ANXA3: variants seen among roughly 807,000 people sequenced by gnomAD.
ANXA3 encodes the protein annexin A3, also known as 35-alpha calcimedin.
Under a neutral mutation model 48.8 loss-of-function variants are expected in ANXA3, and 46 were observed. The observed-to-expected ratio is 0.94, with a 90% CI of 0.74 to 1.21. The LOEUF is 1.21. ANXA3 is among the 50% of genes most tolerant of loss of function. ANXA3 has a pLI of 0.00. For missense variants in ANXA3, 383 were observed against 378.6 expected (o/e 1.01, Z -0.10); for synonymous variants, 128 against 134.7 (o/e 0.95, Z 0.35).
chr4:78,571,881 C>T (rs531950779), intron 2 of ANXA3, among the ~76,000 whole-genome samples: 2 of 152,220 alleles, frequency 1.3e-5, no homozygotes, highest in East Asian at 3.9e-4. Context: ...CCTTGCAATT[C>T]CTGAAGATCT....
chr4:78,595,459 C>A (rs368207621), intron 8 of ANXA3, 22 bp downstream of exon 8: 1 of 1,612,222 alleles, frequency 6.2e-7, no homozygotes. Flanking sequence ...AGCGGGAAAA[C>A]ATTTCCTTTA....
intron 6 of ANXA3, among the ~76,000 whole-genome samples, chr4:78,588,329 GCCA>G (rs1723220233): frequency 6.6e-6 from 1 of 152,100 alleles, no homozygotes; most frequent in Non-Finnish European, 1.5e-5. Context: ...AGAGATTGAG[GCCA>G]CAGTAAGCCT....
chr4:78,597,517 T>C, intron 10 of ANXA3, 103 bp downstream of exon 10: 1 of 724,986 alleles, frequency 1.4e-6, no homozygotes, highest in East Asian at 2.8e-5. Context: ...TCCATTTTTT[T>C]TGCTCCCTAC....
intron 12 of ANXA3, 94 bp from the exon 13 acceptor site, chr4:78,609,962 C>A: frequency 2.4e-6 from 2 of 848,644 alleles, no homozygotes; most frequent in Non-Finnish European, 3.7e-6. Flanking sequence ...AGTCTCACAC[C>A]CAGGTGAATT....
chr4:78,568,452 T>G (rs1722775622), intron 2 of ANXA3, among the ~76,000 whole-genome samples: 1 of 152,256 alleles, frequency 6.6e-6, no homozygotes, highest in Admixed American at 6.5e-5. Flanking sequence ...GAGCTTTGAT[T>G]TGATGCCTCA....
At chr4:78,569,628 G>A (rs185418408) in intron 2 of ANXA3, among the ~76,000 whole-genome samples, 1 of 152,270 alleles carries the variant, frequency 6.6e-6, no homozygotes, top group East Asian at 1.9e-4. Flanking sequence ...TTGTTAAATC[G>A]CAGATTCTGC....
chr4:78,598,292 CTT>C (rs57940281), intron 10 of ANXA3, among the ~76,000 whole-genome samples: 4 of 143,608 alleles, frequency 2.8e-5, no homozygotes, highest in Non-Finnish European at 6.1e-5. Flanking sequence ...TTCTTTCTTT[CTT>C]TTTTTTTTTT....
At chr4:78,566,770 A>T (rs2109929079) in intron 2 of ANXA3, among the ~76,000 whole-genome samples, 1 of 152,328 alleles carries the variant, frequency 6.6e-6, no homozygotes, top group East Asian at 1.9e-4. Context: ...ACCACCATGC[A>T]CCATCTGCAT....
At chr4:78,596,654 C>A (rs1578402882) in intron 9 of ANXA3, among the ~76,000 whole-genome samples, 1 of 152,128 alleles carries the variant, frequency 6.6e-6, no homozygotes, top group South Asian at 2.1e-4. Flanking sequence ...AAAATAATGA[C>A]AACAGTATGT....
In ANXA3 at chr4:78,601,506, A is replaced by C; in HGVS notation, c.731-4A>C. 1 of 1,613,606 alleles carries C rather than the reference A, an allele frequency of 6.2e-7. No individual in the cohort carries two copies. Among genetic ancestry groups the C allele is most frequent in the South Asian group, 1.1e-5 (1 of 91,034 alleles). On this transcript the variant is annotated splice_region_variant and splice_polypyrimidine_tract_variant and intron_variant, in intron 10 of 12. Transcript: ENST00000264908. ...AGCTGAACATTATTTGCTTTTTGTT[A>C]CAGTTAATTGTGTGAGGAACACGCC...
At chr4:78,552,809 C>T (rs1166747158) in intron 1 of ANXA3, among the ~76,000 whole-genome samples, 1 of 152,096 alleles carries the variant, frequency 6.6e-6, no homozygotes, top group African/African-American at 2.4e-5. Context: ...TTGGTTTTCA[C>T]GAAGACGGAA....
chr4:78,579,179 C>T, intron 4 of ANXA3, 58 bp downstream of exon 4: 1 of 1,214,034 alleles, frequency 8.2e-7, no homozygotes, highest in Non-Finnish European at 1.2e-6. Context: ...CATGGTCGCT[C>T]CCACATGGTT....
chr4:78,595,887 A>G lies in ANXA3; in HGVS notation c.634A>G (p.Thr212Ala). ...CLRSFPQLKLTFDEYRNISQK... is the reference protein window; with the variant it reads ...CLRSFPQLKLAFDEYRNISQK... The stretch of plus-strand genomic sequence containing the variant: ...AAGGAGCTTTCCTCAATTAAAACTA[A>G]GTACAAACTCACATTACAATCCTTT... Residue 212 changes from threonine (T) to alanine (A), a missense_variant and splice_region_variant, in exon 9 of 13, where the codon ACA becomes GCA. Physicochemically the swap from Thr to Ala is moderately conservative, Grantham distance 58. Coordinates refer to ENST00000264908, the MANE Select transcript of ANXA3 (RefSeq NM_005139.3). 3 of 1,576,082 alleles carry G rather than the reference A, an allele frequency of 1.9e-6. No homozygotes were observed. Among genetic ancestry groups the G allele is most frequent in the Non-Finnish European group, 2.6e-6 (3 of 1,145,698 alleles).
At chr4:78,568,519 C>T (rs1165041913) in intron 2 of ANXA3, among the ~76,000 whole-genome samples, 2 of 152,112 alleles carry the variant, frequency 1.3e-5, no homozygotes, top group Admixed American at 6.6e-5. Context: ...CTGGCTTCAC[C>T]GCATCTTCAA....
intron 6 of ANXA3, among the ~76,000 whole-genome samples, chr4:78,590,373 T>C (rs1381394376): frequency 3.3e-5 from 5 of 152,224 alleles, no homozygotes; most frequent in Non-Finnish European, 7.3e-5. Context: ...CTTACTAAAA[T>C]CATGCTGAAG....
At position 78,595,851 on chromosome 4, in the gene ANXA3, A is replaced by C; in HGVS notation, c.598A>C (p.Ile200Leu). ...WGTDEDKFTE[I>L]LCLRSFPQLK... ...CACGGATGAAGACAAATTCACTGAG[A>C]TCCTGTGTTTAAGGAGCTTTCCTCA... Residue 200 changes from isoleucine (I) to leucine (L), a missense_variant, in exon 9 of 13, where the codon ATC becomes CTC. Physicochemically the swap from Ile to Leu is conservative, Grantham distance 5 (BLOSUM62 2). Coordinates refer to ENST00000264908, the MANE Select transcript of ANXA3 (RefSeq NM_005139.3). The C allele has an allele frequency of 1.9e-6, 3 of 1,612,410 alleles. No homozygotes were observed. Among genetic ancestry groups the C allele is most frequent in the South Asian group, 2.2e-5 (2 of 91,040 alleles).
chr4:78,583,249 G>A (rs532358578), intron 5 of ANXA3, among the ~76,000 whole-genome samples: 4 of 152,256 alleles, frequency 2.6e-5, no homozygotes, highest in African/African-American at 9.6e-5. Flanking sequence ...GGCTGTGGTG[G>A]GAGGATCACC....
In ANXA3 at chr4:78,582,217, T is replaced by C. The variant is rs752693570; in HGVS notation, c.239T>C (p.Phe80Ser). ...DDLKGDLSGH[F>S]EHLMVALVTP... The stretch of plus-strand genomic sequence containing the variant: ...TTGAAGGGTGATCTCTCTGGCCACT[T>C]TGAGCATCTCATGGTGGCCCTAGTG... Residue 80 changes from phenylalanine to serine, a missense_variant, in exon 5 of 13, where the codon TTT (phenylalanine) becomes TCT (serine). Phe to Ser is a radical substitution (Grantham distance 155). Transcript: ENST00000264908. The C allele has an allele frequency of 1.2e-6, 2 of 1,613,716 alleles. No individual in the cohort carries two copies. Among genetic ancestry groups the C allele is most frequent in the Non-Finnish European group, 1.7e-6 (2 of 1,179,632 alleles).
intron 12 of ANXA3, 111 bp from the exon 13 acceptor site, chr4:78,609,945 G>T: frequency 3.0e-6 from 2 of 657,048 alleles, no homozygotes; most frequent in Non-Finnish European, 5.2e-6. Flanking sequence ...AAATGGTATA[G>T]CTCATGAGTC....
Sources: allele counts gnomAD v4.1 joint callset (sites outside exome capture counted in the v4.1 genomes callset), GRCh38; gene constraint gnomAD v4.1.1; transcripts MANE v1.5; gene names NCBI Gene and HGNC (gene_info 2026-07-23, HGNC 2026-07-21).